The following RBMS1 variants were observed in gnomAD, a reference collection of about 807,000 sequenced individuals.
RBMS1 encodes RNA-binding motif, single-stranded-interacting protein 1.
In RBMS1, 17 loss-of-function variants were observed where a neutral mutation model predicts 62.3. That is an observed-to-expected ratio of 0.27 (90% confidence interval 0.19 to 0.41). RBMS1 has a LOEUF of 0.41. Among genes scored for constraint, RBMS1 ranks in the 10% least tolerant of loss-of-function variants. RBMS1 has a pLI of 1.00. For missense variants in RBMS1, 334 were observed against 504.5 expected, an observed-to-expected ratio of 0.66 and a Z score of 3.24; for synonymous variants, 172 against 170.0, an observed-to-expected ratio of 1.01 and a Z score of -0.09.
At chr2:160,469,017 A>C (rs1191443031) in intron 1 of RBMS1, among the ~76,000 whole-genome samples, 22 of 152,170 alleles carry the variant, frequency 1.4e-4, no homozygotes, top group Admixed American at 1.4e-3. Context: ...TGTTACCATC[A>C]TCTAAAAGAA....
At chr2:160,397,954 C>T (rs1574000148) in intron 1 of RBMS1, among the ~76,000 whole-genome samples, 1 of 152,128 alleles carries the variant, frequency 6.6e-6, no homozygotes, top group South Asian at 2.1e-4. Context: ...ATCTGTGCTC[C>T]CCGAAGTCTG....
At chr2:160,295,353 T>C (rs1449953998) in intron 6 of RBMS1, among the ~76,000 whole-genome samples, 1 of 152,138 alleles carries the variant, frequency 6.6e-6, no homozygotes, top group Non-Finnish European at 1.5e-5. Context: ...AAAGAAAACA[T>C]AGCTCCTGCC....
chr2:160,344,709 G>A (rs541178722), intron 2 of RBMS1, among the ~76,000 whole-genome samples: 1 of 152,194 alleles, frequency 6.6e-6, no homozygotes, highest in South Asian at 2.1e-4. Context: ...TCAGACACTA[G>A]AGAGAACAGA....
At chr2:160,285,159 A>C in intron 7 of RBMS1, 115 bp from the exon 8 acceptor site, 1 of 968,358 alleles carries the variant, frequency 1.0e-6, no homozygotes, top group South Asian at 1.4e-5. Context: ...GGGGAGGCTG[A>C]GGTGGGAAGA....
chr2:160,336,478 C>T (rs1691577363), intron 2 of RBMS1, among the ~76,000 whole-genome samples: 1 of 152,048 alleles, frequency 6.6e-6, no homozygotes, highest in Non-Finnish European at 1.5e-5. Context: ...AATACACATT[C>T]CCCACCTTCT....
At chr2:160,298,498 C>T (rs1467900101) in intron 6 of RBMS1, among the ~76,000 whole-genome samples, 4 of 151,984 alleles carry the variant, frequency 2.6e-5, no homozygotes, top group Non-Finnish European at 5.9e-5. Context: ...GAATTCAAGG[C>T]AACACTAACA....
chr2:160,467,401 T>C (rs1460667861), intron 1 of RBMS1, among the ~76,000 whole-genome samples: 12 of 152,168 alleles, frequency 7.9e-5, no homozygotes, highest in Admixed American at 7.9e-4. Context: ...GAGTGCCATC[T>C]CTAAGTGAAC....
At chr2:160,356,311 T>A (rs989627176) in intron 2 of RBMS1, among the ~76,000 whole-genome samples, 1 of 152,154 alleles carries the variant, frequency 6.6e-6, no homozygotes, top group African/African-American at 2.4e-5. Flanking sequence ...TTGAGTTTTT[T>A]ATTTTATTGG....
At chr2:160,487,083 A>G (rs1049328339) in intron 1 of RBMS1, among the ~76,000 whole-genome samples, 1 of 151,856 alleles carries the variant, frequency 6.6e-6, no homozygotes, top group Non-Finnish European at 1.5e-5. Flanking sequence ...AGAAGTTAAC[A>G]TAAAGTACAA....
At chr2:160,314,200 A>C (rs1333814357) in intron 3 of RBMS1, among the ~76,000 whole-genome samples, 2 of 152,234 alleles carry the variant, frequency 1.3e-5, no homozygotes, top group African/African-American at 4.8e-5. Context: ...GAATCTCAAC[A>C]GATCCCATGA....
chr2:160,380,715 A>G (rs1694246881), intron 1 of RBMS1, among the ~76,000 whole-genome samples: 1 of 152,186 alleles, frequency 6.6e-6, no homozygotes, highest in Non-Finnish European at 1.5e-5. Context: ...ACCAAGCATG[A>G]TAACTTCTAG....
chr2:160,493,239 G>T, intron 1 of RBMS1, 50 bp downstream of exon 1: 1 of 1,566,220 alleles, frequency 6.4e-7, no homozygotes. Flanking sequence ...CCCTGCGCGC[G>T]TCCCCGGGCC....
At chr2:160,385,957 T>C (rs935041019) in intron 1 of RBMS1, among the ~76,000 whole-genome samples, 1 of 152,136 alleles carries the variant, frequency 6.6e-6, no homozygotes, top group African/African-American at 2.4e-5. Context: ...CTTCCAAACA[T>C]GGTATAATGT....
chr2:160,367,813 CT>C (rs2106025438), intron 1 of RBMS1, among the ~76,000 whole-genome samples: 2 of 152,140 alleles, frequency 1.3e-5, no homozygotes, highest in Admixed American at 1.3e-4. Flanking sequence ...TAGGATGACT[CT>C]TAAAAAAAAT....
intron 3 of RBMS1, among the ~76,000 whole-genome samples, chr2:160,315,768 C>T (rs1690186665): frequency 6.6e-6 from 1 of 152,178 alleles, no homozygotes; most frequent in Non-Finnish European, 1.5e-5. Context: ...GACATATTTA[C>T]CAGCATTGGA....
chr2:160,366,933 G>GT (rs869061306), intron 2 of RBMS1: 35 of 226,898 alleles, frequency 1.5e-4, no homozygotes, highest in South Asian at 3.5e-4. Context: ...CTAGCCATAA[G>GT]TTTTTTTTAA....
chr2:160,444,139 A>AGT (rs140254100), intron 1 of RBMS1, among the ~76,000 whole-genome samples: 13 of 152,068 alleles, frequency 8.5e-5, no homozygotes, highest in Admixed American at 2.0e-4. Context: ...GTAGAAAACC[A>AGT]GTGTGTGTGT....
At position 160,275,576 on chromosome 2, in the gene RBMS1, C is replaced by T. The variant is rs1687791222; in HGVS notation, c.*7+54G>A. 4.4e-6 allele frequency: 7 copies of T among 1,592,162 alleles called. No individual in the cohort carries two copies. In the South Asian group the frequency reaches 4.5e-5, roughly 10 times the overall value. On this transcript the variant is annotated intron_variant, in intron 13 of 13. Coordinates refer to ENST00000348849, the MANE Select transcript of RBMS1 (RefSeq NM_016836.4). ...CACCATTCTGATTTTAAAAAAAGCC[C>T]TATAGATTGTGCTTGATTTGAGCCC... is the stretch of plus-strand genomic sequence containing the variant.
At chr2:160,309,830 A>C (rs1559358601) in intron 4 of RBMS1, among the ~76,000 whole-genome samples, 1 of 152,162 alleles carries the variant, frequency 6.6e-6, no homozygotes, top group Non-Finnish European at 1.5e-5. Flanking sequence ...GAGTGAGAAA[A>C]ACACAAGCTT....
Sources: allele counts gnomAD v4.1 joint callset (sites outside exome capture counted in the v4.1 genomes callset), GRCh38; gene constraint gnomAD v4.1.1; transcripts MANE v1.5; gene names NCBI Gene and HGNC (gene_info 2026-07-23, HGNC 2026-07-21).